Variants in RALB observed in about 807,000 individuals in gnomAD.
The protein encoded by RALB is RAS like proto-oncogene B, also known as ras-related protein Ral-B.
In RALB, 16 loss-of-function variants were observed where a neutral mutation model predicts 21.3. The ratio of observed to expected loss-of-function variants is 0.75; its 90% confidence interval spans 0.51 to 1.14. The LOEUF is 1.14. Ranked by LOEUF, RALB falls within the 50% of genes most tolerant of loss-of-function variation. The pLI is 0.00. For synonymous variants in RALB, 93 were observed against 96.1 expected (o/e 0.97, Z 0.19); for missense variants, 161 against 256.2 (o/e 0.63, Z 2.54).
intron 2 of RALB, among the ~76,000 whole-genome samples, chr2:120,285,332 G>T (rs1239962774): frequency 6.6e-6 from 1 of 152,120 alleles, no homozygotes; most frequent in Non-Finnish European, 1.5e-5. Flanking sequence ...TGATAATTCG[G>T]ATTACAACCT....
upstream of RALB, among the ~76,000 whole-genome samples, chr2:120,252,102 G>A (rs973580859): frequency 6.6e-6 from 1 of 152,154 alleles, no homozygotes; most frequent in African/African-American, 2.4e-5. Flanking sequence ...TGAGGTCTGC[G>A]TAGGGGTCAG....
chr2:120,286,435 A>G (rs1452257023), intron 3 of RALB, among the ~76,000 whole-genome samples: 1 of 152,254 alleles, frequency 6.6e-6, no homozygotes, highest in Non-Finnish European at 1.5e-5. Context: ...TATCCTTTAA[A>G]TAATGTTACT....
chr2:120,277,940 AGT>A (rs1297263921), intron 1 of RALB, among the ~76,000 whole-genome samples: 4 of 77,222 alleles, frequency 5.2e-5, no homozygotes, highest in East Asian at 2.4e-4. Context: ...TGTGTGAGCG[AGT>A]GTGAATGTGT....
At chr2:120,253,080 C>A in intron 1 of RALB, 100 bp downstream of exon 1, 1 of 818,592 alleles carries the variant, frequency 1.2e-6, no homozygotes, top group Non-Finnish European at 1.5e-6. Context: ...CCGTGCCGGG[C>A]TGTGGCCGGG....
intron 3 of RALB, among the ~76,000 whole-genome samples, chr2:120,286,753 A>G (rs1213209650): frequency 2.0e-5 from 3 of 152,232 alleles, no homozygotes; most frequent in Non-Finnish European, 2.9e-5. Flanking sequence ...GCTACCCTCC[A>G]TTGTCCCCTG....
chr2:120,286,151 A>G, intron 3 of RALB, 69 bp downstream of exon 3: 1 of 1,383,198 alleles, frequency 7.2e-7, no homozygotes, highest in Non-Finnish European at 1.0e-6. Context: ...TCTTAGGCCT[A>G]TGAAGAATTT....
intron 3 of RALB, among the ~76,000 whole-genome samples, chr2:120,288,988 G>C (rs1471427806): frequency 1.3e-5 from 2 of 152,092 alleles, no homozygotes; most frequent in Non-Finnish European, 2.9e-5. Context: ...TTTCCTACTT[G>C]AGATTCCCTT....
intron 3 of RALB, among the ~76,000 whole-genome samples, chr2:120,289,238 C>CTTTTTTTTTTTTT (rs1188115492): frequency 9.9e-6 from 1 of 101,168 alleles, no homozygotes; most frequent in African/African-American, 3.2e-5. Flanking sequence ...CATTTTTCTT[C>CTTTTTTTTTTTTT]TTTTTGTTTT....
intron 1 of RALB, among the ~76,000 whole-genome samples, chr2:120,267,999 C>T (rs1219440605): frequency 1.3e-5 from 2 of 152,022 alleles, no homozygotes; most frequent in African/African-American, 4.8e-5. Context: ...ACCATGTGGG[C>T]CGGGATGGTC....
chr2:120,293,012 T>C (rs1690343368), intron 4 of RALB, 129 bp from the exon 5 acceptor site: 1 of 962,774 alleles, frequency 1.0e-6, no homozygotes. Context: ...TAACTACATA[T>C]CCTGCTTAGT....
chr2:120,260,960 C>T (rs560817026), intron 1 of RALB, among the ~76,000 whole-genome samples: 17 of 152,276 alleles, frequency 1.1e-4, no homozygotes, highest in African/African-American at 2.9e-4. Context: ...GCTTTTGCTA[C>T]ACAGTGTGGG....
At position 120,259,737 on chromosome 2, in the gene RALB, G is replaced by T. The variant is rs576470534; in HGVS notation, c.-48+6757G>T. On this transcript the variant is annotated intron_variant, in intron 1 of 4. Coordinates refer to ENST00000272519, the MANE Select transcript of RALB (RefSeq NM_002881.3). ...GCAGGTGGAGCTGCCTGCCAGTCCTGCGCCATGCACTTGCATTCCTCAGCC... is the reference window on the plus strand; with the variant it reads ...GCAGGTGGAGCTGCCTGCCAGTCCTTCGCCATGCACTTGCATTCCTCAGCC... Among the ~76,000 whole-genome samples the T allele has an allele frequency of 2.7e-4, 41 of 152,362 alleles. No homozygotes were observed. In the East Asian group the frequency reaches 6.8e-3, roughly 25 times the overall value.
intron 1 of RALB, among the ~76,000 whole-genome samples, chr2:120,260,056 A>G (rs919071089): frequency 7.2e-5 from 11 of 152,264 alleles, no homozygotes; most frequent in African/African-American, 2.2e-4. Context: ...TGCGGGGCCC[A>G]CCAAGCCCAC....
chr2:120,291,909 CAAG>C (rs2104669276), intron 4 of RALB, among the ~76,000 whole-genome samples: 1 of 152,168 alleles, frequency 6.6e-6, no homozygotes, highest in Middle Eastern at 3.4e-3. Context: ...TGCTTTTCAC[CAAG>C]AAGAAGGTGT....
intron 2 of RALB, among the ~76,000 whole-genome samples, chr2:120,281,826 T>C (rs184840107): frequency 0.011 from 1,632 of 152,082 alleles, 17 homozygotes; most frequent in Non-Finnish European, 0.018. Context: ...GAGGGGGTGG[T>C]GAGTAGGGGA....
chr2:120,264,086 T>C (rs907917911), intron 1 of RALB, among the ~76,000 whole-genome samples: 2 of 151,676 alleles, frequency 1.3e-5, no homozygotes, highest in Admixed American at 1.3e-4. Flanking sequence ...TGACCTCAGG[T>C]GATCCACCTG....
At chr2:120,243,345 A>G (rs1574839424) in intron 1 of RALB, among the ~76,000 whole-genome samples, 1 of 152,228 alleles carries the variant, frequency 6.6e-6, no homozygotes, top group African/African-American at 2.4e-5. Flanking sequence ...TGGCTGGGCC[A>G]CCACTCTCGC....
chr2:120,293,070 T>A, intron 4 of RALB, 71 bp from the exon 5 acceptor site: 4 of 1,467,352 alleles, frequency 2.7e-6, no homozygotes, highest in Non-Finnish European at 3.6e-6. Context: ...AGTGTCAGGT[T>A]AACAAAAGAA....
At chr2:120,278,807 CCT>C (rs750080927) in intron 2 of RALB, 29 bp downstream of exon 2, 151 of 1,491,372 alleles carry the variant, frequency 1.0e-4, no homozygotes, top group Non-Finnish European at 1.3e-4. Context: ...AGACCACCTT[CCT>C]TTGGCATTGG....
Sources: allele counts gnomAD v4.1 joint callset (sites outside exome capture counted in the v4.1 genomes callset), GRCh38; gene constraint gnomAD v4.1.1; transcripts MANE v1.5; gene names NCBI Gene and HGNC (gene_info 2026-07-23, HGNC 2026-07-21).